The following SYCP2 variants were observed in gnomAD, a reference collection of about 807,000 sequenced individuals.
SYCP2 encodes synaptonemal complex protein 2, also known as synaptonemal complex lateral element protein.
SYCP2 carries 55 observed loss-of-function variants against 211.3 expected under a neutral mutation model. The observed-to-expected ratio is 0.26, with a 90% CI of 0.21 to 0.33. SYCP2 has a LOEUF of 0.33. Ranked by LOEUF, SYCP2 falls within the 10% of genes least tolerant of loss-of-function variation. The pLI, the probability that SYCP2 is intolerant of heterozygous loss-of-function variation, is 1.00. For synonymous variants in SYCP2, 570 were observed against 555.2 expected (o/e 1.03, Z -0.37); for missense variants, 1,731 against 1,752.0 (o/e 0.99, Z 0.21).
chr20:59,890,926 T>C (rs2059894415), intron 24 of SYCP2, among the ~76,000 whole-genome samples: 1 of 150,934 alleles, frequency 6.6e-6, no homozygotes, highest in Non-Finnish European at 1.5e-5. Flanking sequence ...AAAGAGAAAA[T>C]AACATATTAG....
intron 7 of SYCP2, among the ~76,000 whole-genome samples, chr20:59,916,788 G>A (rs189192873): frequency 2.6e-4 from 39 of 152,062 alleles, no homozygotes; most frequent in African/African-American, 9.2e-4. Flanking sequence ...AAAATTAGCC[G>A]GGCACCTGTA....
At chr20:59,870,443 CTT>C (rs35684647) in intron 35 of SYCP2, among the ~76,000 whole-genome samples, 9 of 151,312 alleles carry the variant, frequency 5.9e-5, no homozygotes, top group African/African-American at 1.7e-4. Context: ...TAAAAAAAGT[CTT>C]TTTTTTAATA....
intron 12 of SYCP2, among the ~76,000 whole-genome samples, chr20:59,912,837 T>TG (rs1183071772): frequency 6.6e-6 from 1 of 152,194 alleles, no homozygotes; most frequent in African/African-American, 2.4e-5. Context: ...CGAGATCTGA[T>TG]GGTTTTATCA....
chr20:59,889,449 A>T (rs1189254065), intron 24 of SYCP2, among the ~76,000 whole-genome samples: 1 of 152,002 alleles, frequency 6.6e-6, no homozygotes, highest in East Asian at 1.9e-4. Context: ...AATTTAGATA[A>T]CTTAGTTTTA....
chr20:59,930,581 G>A (rs1241779081), intron 2 of SYCP2, among the ~76,000 whole-genome samples: 1 of 152,124 alleles, frequency 6.6e-6, no homozygotes. Context: ...AGTAGCACAT[G>A]GTGGCTGAGG....
Position 59,885,984 on chromosome 20 carries a change from C to A in SYCP2, c.2493-20G>T. On this transcript the variant is annotated intron_variant, in intron 25 of 44. Transcript: ENST00000357552. ...AAACCACTGTAAAAAAAGATTTTGT[C>A]AAAATTGAAAAAGCAAATCAGTATC... 1.3e-6 allele frequency: 2 copies of A among 1,587,706 alleles called. No homozygotes were observed. The highest frequency in any genetic ancestry group is 1.8e-5 in the Admixed American group (1 of 56,114).
At chr20:59,931,564 A>G (rs1029952211) in intron 2 of SYCP2, among the ~76,000 whole-genome samples, 15 of 152,210 alleles carry the variant, frequency 9.9e-5, no homozygotes, top group Non-Finnish European at 4.4e-5. Flanking sequence ...AGGGCCAGCA[A>G]CTGTTGAGGC....
In SYCP2 at chr20:59,922,408, T is replaced by G; in HGVS notation, c.6A>C (p.Pro2=). 2 of 1,567,260 alleles carry G rather than the reference T, an allele frequency of 1.3e-6. No homozygotes were observed. The highest frequency in any genetic ancestry group is 1.7e-6 in the Non-Finnish European group (2 of 1,163,458). The change falls in exon 3 of 45, where the codon CCA becomes CCC. Residue 2 remains proline, a synonymous_variant. Transcript: ENST00000357552. M[P]IRPDLQQLEK... ...TACATACCTGGAGATCTGGTCTTAT[T>G]GGCATTTTGACTTCATTTAAAAAAA...
Position 59,895,426 on chromosome 20 carries a change from G to C in SYCP2, c.1665+11C>G. The C allele has an allele frequency of 1.9e-6, 3 of 1,574,212 alleles. No individual in the cohort carries two copies. The highest frequency in any genetic ancestry group is 2.6e-6 in the Non-Finnish European group (3 of 1,162,062). ...AAAAATATTTTTAAAATACTTTCAAGGTAAAGTTACTTTGTCTATATTATC... is the reference window on the plus strand; with the variant it reads ...AAAAATATTTTTAAAATACTTTCAACGTAAAGTTACTTTGTCTATATTATC... On this transcript the variant is annotated intron_variant, in intron 20 of 44. Coordinates refer to ENST00000357552, the MANE Select transcript of SYCP2 (RefSeq NM_014258.4).
Position 59,922,444 on chromosome 20 carries a change from AAGAC to A in SYCP2, c.-35_-32del. On this transcript the variant is annotated 5_prime_UTR_variant, in exon 3 of 45. Coordinates refer to ENST00000357552, the MANE Select transcript of SYCP2 (RefSeq NM_014258.4). ...CTTCATTTAAAAAAAAAAAAAAAGC[AAGAC>A]AAAATAAACACCTATAAAAGAAAAC... 2.1e-6 allele frequency: 3 copies of A among 1,456,826 alleles called. No homozygotes were observed. Among genetic ancestry groups the A allele is most frequent in the African/African-American group, 1.4e-5 (1 of 69,524 alleles). 90.2% of individuals were successfully genotyped at this position (1,456,826 alleles called of 1,614,324 possible).
intron 3 of SYCP2, 118 bp from the exon 4 acceptor site, chr20:59,921,571 T>C: frequency 1.7e-6 from 1 of 599,476 alleles, no homozygotes; most frequent in Non-Finnish European, 2.5e-6. Flanking sequence ...TCATAAAATA[T>C]TAATTCACGT....
rs2059937858 is a variant in SYCP2 at position 59,893,040 on chromosome 20, ACTAATT to A, written c.1793+96_1793+101del. The A allele has an allele frequency of 4.9e-6, 4 of 821,722 alleles. No individual in the cohort carries two copies. In the East Asian group the frequency reaches 1.0e-4, roughly 21 times the overall value. The allele number at this position is 821,722 out of a possible 1,614,324, so 50.9% of individuals were successfully genotyped here. The stretch of plus-strand genomic sequence containing the variant: ...TCATAACACTTGAGAGATGATTAAT[ACTAATT>A]CTAATCATATACAGTCCTTTTCCTC... On this transcript the variant is annotated intron_variant, in intron 22 of 44. Transcript: ENST00000357552.
chr20:59,921,477 C>T, intron 3 of SYCP2, 24 bp from the exon 4 acceptor site: 1 of 1,524,196 alleles, frequency 6.6e-7, no homozygotes, highest in African/African-American at 1.4e-5. Flanking sequence ...TTTAATGGCA[C>T]ATACTGTATC....
intron 29 of SYCP2, 24 bp from the exon 30 acceptor site, chr20:59,881,047 TA>T (rs2059669141): frequency 1.5e-6 from 2 of 1,295,972 alleles, no homozygotes; most frequent in Non-Finnish European, 1.1e-6. Context: ...ATGTATTAAT[TA>T]AAAAATACCC....
intron 14 of SYCP2, among the ~76,000 whole-genome samples, chr20:59,910,860 C>A (rs932565144): frequency 6.6e-6 from 1 of 151,828 alleles, no homozygotes; most frequent in African/African-American, 2.4e-5. Context: ...GAGAAATATA[C>A]TAATGGAAAC....
chr20:59,907,441 G>T lies in SYCP2; in HGVS notation c.973-17C>A. The T allele has an allele frequency of 6.3e-7, 1 of 1,597,900 alleles. No individual in the cohort carries two copies. Among genetic ancestry groups the T allele is most frequent in the Non-Finnish European group, 8.5e-7 (1 of 1,171,318 alleles). On this transcript the variant is annotated splice_polypyrimidine_tract_variant and intron_variant, in intron 14 of 44. Coordinates refer to ENST00000357552, the MANE Select transcript of SYCP2 (RefSeq NM_014258.4). ...TTGATGATCCTTAAATTTAAAAGCA[G>T]GTTTTGGCCATAAATAATTTATTTC...
chr20:59,876,133 G>A lies in SYCP2; in HGVS notation c.3151-664C>T, dbSNP rs1367551767. 3.3e-5 allele frequency among the ~76,000 whole-genome samples: 5 copies of A among 151,882 alleles called. No individual in the cohort carries two copies. The South Asian group carries it at 8.3e-4, about 25-fold the overall frequency. On this transcript the variant is annotated intron_variant, in intron 33 of 44. Transcript: ENST00000357552. Reference sequence around the variant, plus strand: ...CATGCCTGTAATCCCAGCACTTTGGGAGGCCGAGGCGGGCAGATCATGAGG... The same window carrying A: ...CATGCCTGTAATCCCAGCACTTTGGAAGGCCGAGGCGGGCAGATCATGAGG...
At chr20:59,901,579 GA>G in intron 16 of SYCP2, 82 bp downstream of exon 16, 1 of 855,258 alleles carries the variant, frequency 1.2e-6, no homozygotes, top group South Asian at 2.1e-5. Context: ...TTCTAGAAAG[GA>G]AAAAACGCAA....
At chr20:59,894,368 T>C (rs2059967107) in intron 20 of SYCP2, among the ~76,000 whole-genome samples, 1 of 152,010 alleles carries the variant, frequency 6.6e-6, no homozygotes, top group African/African-American at 2.4e-5. Flanking sequence ...TTTAGGACCA[T>C]GTCGCACAAC....
Sources: gnomAD v4.1 joint callset for allele counts (sites outside exome capture counted in the v4.1 genomes callset) on GRCh38, gnomAD v4.1.1 for gene constraint, MANE v1.5 for transcripts, NCBI Gene and HGNC (gene_info 2026-07-23, HGNC 2026-07-21) for gene names.